The following MAD1L1 variants were observed in gnomAD, a reference collection of about 807,000 sequenced individuals.
The protein encoded by MAD1L1 is mitotic spindle assembly checkpoint protein MAD1.
MAD1L1 carries 95 observed loss-of-function variants against 96.9 expected under a neutral mutation model. The observed-to-expected ratio is 0.98, with a 90% confidence interval of 0.83 to 1.16. The LOEUF (loss-of-function observed/expected upper bound fraction) is 1.16, where lower values mean the gene tolerates loss of function less well. Among genes scored for constraint, MAD1L1 ranks in the 50% most tolerant of loss-of-function variants. The probability of loss-of-function intolerance (pLI) is 0.00; values close to 1 mark genes in which losing one functional copy is unlikely to be tolerated. For synonymous variants in MAD1L1, 473 were observed against 396.6 expected (o/e 1.19, Z -2.29); for missense variants, 1,007 against 954.4 (o/e 1.06, Z -0.73).
chr7:2,106,828 C>CA (rs1342686206), intron 11 of MAD1L1, among the ~76,000 whole-genome samples: 2 of 152,214 alleles, frequency 1.3e-5, no homozygotes, highest in Non-Finnish European at 2.9e-5. Context: ...AGCTGGGAGC[C>CA]AGTCACCCTT....
intron 13 of MAD1L1, 90 bp from the exon 14 acceptor site, chr7:2,002,211 A>G: frequency 3.9e-6 from 5 of 1,286,832 alleles, no homozygotes; most frequent in Non-Finnish European, 5.6e-6. Context: ...ACCACCCCGC[A>G]GCCTCCACTC....
chr7:1,971,651 G>GTA (rs1780413239), intron 15 of MAD1L1, among the ~76,000 whole-genome samples: 3 of 152,124 alleles, frequency 2.0e-5, no homozygotes, highest in Non-Finnish European at 4.4e-5. Flanking sequence ...TAAAACAAGG[G>GTA]TAAAGGTTTT....
chr7:2,071,622 C>A (rs1785132378), intron 11 of MAD1L1, among the ~76,000 whole-genome samples: 1 of 152,180 alleles, frequency 6.6e-6, no homozygotes. Context: ...TCAGCCCCAC[C>A]CCTAAGCTGG....
At chr7:2,028,684 A>G (rs796501833) in intron 12 of MAD1L1, among the ~76,000 whole-genome samples, 4 of 152,282 alleles carry the variant, frequency 2.6e-5, no homozygotes, top group African/African-American at 9.6e-5. Context: ...TAACATTCTC[A>G]GGAATTGAAA....
At chr7:2,030,124 C>T (rs1337298482) in intron 12 of MAD1L1, among the ~76,000 whole-genome samples, 2 of 152,198 alleles carry the variant, frequency 1.3e-5, no homozygotes, top group East Asian at 3.9e-4. Flanking sequence ...TTCTGCAGGG[C>T]ACCCCTGGCT....
intron 17 of MAD1L1, among the ~76,000 whole-genome samples, chr7:1,928,430 T>TCCC (rs1453851339): frequency 6.7e-6 from 1 of 149,862 alleles, no homozygotes. Flanking sequence ...TTGACACTGC[T>TCCC]CCCCACGACC....
intron 12 of MAD1L1, among the ~76,000 whole-genome samples, chr7:2,042,269 GCA>G (rs753116515): frequency 5.4e-5 from 8 of 147,580 alleles, no homozygotes; most frequent in East Asian, 3.9e-4. Flanking sequence ...ATACGCACAT[GCA>G]CACACACGCG....
chr7:1,959,743 G>T (rs116185279), intron 15 of MAD1L1, among the ~76,000 whole-genome samples: 60 of 152,266 alleles, frequency 3.9e-4, no homozygotes, highest in Middle Eastern at 3.4e-3. Flanking sequence ...GATCAGACAC[G>T]AAAGCTTAAA....
intron 11 of MAD1L1, among the ~76,000 whole-genome samples, chr7:2,094,013 G>A (rs766202692): frequency 2.0e-5 from 3 of 152,202 alleles, no homozygotes; most frequent in Non-Finnish European, 4.4e-5. Context: ...GGCCACGCGG[G>A]CGCAGACGGT....
At chr7:1,973,348 C>T (rs983462893) in intron 15 of MAD1L1, among the ~76,000 whole-genome samples, 1 of 152,148 alleles carries the variant, frequency 6.6e-6, no homozygotes, top group African/African-American at 2.4e-5. Flanking sequence ...GTTCTGCCAC[C>T]GCACAGACCT....
At chr7:1,820,839 T>C (rs1467679830) in intron 18 of MAD1L1, among the ~76,000 whole-genome samples, 3 of 152,018 alleles carry the variant, frequency 2.0e-5, no homozygotes, top group African/African-American at 7.2e-5. Context: ...CCCAGCACTT[T>C]GGGAGGCCGA....
At chr7:1,926,776 G>C (rs931902051) in intron 17 of MAD1L1, among the ~76,000 whole-genome samples, 1 of 152,220 alleles carries the variant, frequency 6.6e-6, no homozygotes, top group African/African-American at 2.4e-5. Flanking sequence ...CTAGCAGCAC[G>C]CCTCATGGAG....
At chr7:1,825,928 C>A (rs986146286) in intron 18 of MAD1L1, among the ~76,000 whole-genome samples, 2 of 151,790 alleles carry the variant, frequency 1.3e-5, no homozygotes, top group Non-Finnish European at 2.9e-5. Flanking sequence ...AGTCCCAGCC[C>A]CAGGCGGGGT....
chr7:2,038,939 A>G (rs1783560307), intron 12 of MAD1L1, among the ~76,000 whole-genome samples: 1 of 152,224 alleles, frequency 6.6e-6, no homozygotes, highest in African/African-American at 2.4e-5. Context: ...ACAGCACAGT[A>G]TCACAACCCG....
intron 12 of MAD1L1, among the ~76,000 whole-genome samples, chr7:2,064,442 G>A (rs540703866): frequency 3.3e-5 from 5 of 152,352 alleles, no homozygotes; most frequent in South Asian, 2.1e-4. Flanking sequence ...CTCAGGAAGC[G>A]GCTCTGGCCC....
intron 11 of MAD1L1, among the ~76,000 whole-genome samples, chr7:2,097,407 C>T (rs565535017): frequency 3.9e-4 from 60 of 152,286 alleles, no homozygotes; most frequent in African/African-American, 1.3e-3. Context: ...GGGCCAGAGC[C>T]GGGACACCTG....
chr7:1,970,076 T>C (rs1780336809), intron 15 of MAD1L1, among the ~76,000 whole-genome samples: 1 of 152,140 alleles, frequency 6.6e-6, no homozygotes, highest in African/African-American at 2.4e-5. Context: ...TCGAGGGCGT[T>C]GTGCTGAATG....
At chr7:1,858,851 T>C (rs917561419) in intron 18 of MAD1L1, among the ~76,000 whole-genome samples, 1 of 152,176 alleles carries the variant, frequency 6.6e-6, no homozygotes, top group Non-Finnish European at 1.5e-5. Flanking sequence ...CTGCCCCTCC[T>C]GGCTTCAGGG....
At position 2,131,380 on chromosome 7, in the gene MAD1L1, G is replaced by A. The variant is rs188011826; in HGVS notation, c.1073+17772C>T. 3.4e-3 allele frequency among the ~76,000 whole-genome samples: 519 copies of A among 152,356 alleles called. 7 individuals carry two copies. Among genetic ancestry groups the A allele is most frequent in the Non-Finnish European group, 1.5e-3 (100 of 68,040 alleles). On this transcript the variant is annotated intron_variant, in intron 11 of 18. Coordinates refer to ENST00000265854, the MANE Select transcript of MAD1L1 (RefSeq NM_001013836.2). The stretch of plus-strand genomic sequence containing the variant: ...CCATAAAATCAGTTCTATTCATGGT[G>A]AGGAAATACGGAAAGGCAGTAAAAT...
Sources: allele counts gnomAD v4.1 joint callset (sites outside exome capture counted in the v4.1 genomes callset), GRCh38; gene constraint gnomAD v4.1.1; transcripts MANE v1.5; gene names NCBI Gene and HGNC (gene_info 2026-07-23, HGNC 2026-07-21).